Variants in RNF216 observed in about 807,000 individuals in gnomAD.
RNF216 encodes ring finger protein 216, also known as E3 ubiquitin-protein ligase RNF216.
Under a neutral mutation model 110.8 loss-of-function variants are expected in RNF216, and 72 were observed. The ratio of observed to expected loss-of-function variants is 0.65; its 90% CI spans 0.54 to 0.79. The LOEUF (loss-of-function observed/expected upper bound fraction) is 0.79, where lower values mean the gene tolerates loss of function less well. Among genes scored for constraint, RNF216 ranks in the 30% least tolerant of loss-of-function variants. The pLI is 0.00. For missense variants in RNF216, 1,342 were observed against 1,141.2 expected (o/e 1.18, Z -2.54); for synonymous variants, 495 against 407.5 (o/e 1.21, Z -2.59).
intron 1 of RNF216, among the ~76,000 whole-genome samples, chr7:5,777,010 C>G (rs1003436855): frequency 1.3e-5 from 2 of 151,674 alleles, no homozygotes; most frequent in Admixed American, 1.3e-4. Context: ...GTGAGCACAA[C>G]AGCTTTCACT....
At chr7:5,752,810 C>A in intron 3 of RNF216, 36 bp downstream of exon 3, 1 of 1,601,770 alleles carries the variant, frequency 6.2e-7, no homozygotes, top group South Asian at 1.1e-5. Flanking sequence ...CACCAACTTG[C>A]AATAATGTCT....
intron 13 of RNF216, among the ~76,000 whole-genome samples, chr7:5,679,435 C>G (rs761653831): frequency 6.6e-6 from 1 of 152,244 alleles, no homozygotes; most frequent in African/African-American, 2.4e-5. Flanking sequence ...AGGCGCTGAG[C>G]GCACTGGTGC....
At chr7:5,756,944 T>C (rs1795675447) in intron 2 of RNF216, among the ~76,000 whole-genome samples, 1 of 152,236 alleles carries the variant, frequency 6.6e-6, no homozygotes, top group South Asian at 2.1e-4. Context: ...CTGAGCTTTT[T>C]ACTTCTTGTC....
At chr7:5,734,333 AAGAAATC>A (rs1451294270) in intron 5 of RNF216, among the ~76,000 whole-genome samples, 1 of 152,194 alleles carries the variant, frequency 6.6e-6, no homozygotes, top group African/African-American at 2.4e-5. Flanking sequence ...GCTGAGTGAA[AAGAAATC>A]AGACTCAAAA....
chr7:5,766,799 T>A (rs1796231771), intron 1 of RNF216: 2 of 152,236 alleles, frequency 1.3e-5, no homozygotes, highest in African/African-American at 4.8e-5. Context: ...GTAACAAATG[T>A]CTGTGGCACA....
At position 5,632,561 on chromosome 7, in the gene RNF216, G is replaced by C. The variant is rs112724699; in HGVS notation, c.2383-8436C>G. Reference sequence around the variant, plus strand: ...GTAGAAGTTAGCCCTCCAATCACCTGATGTCAGGGGTTCGAGACCAGCCTG... The same window carrying C: ...GTAGAAGTTAGCCCTCCAATCACCTCATGTCAGGGGTTCGAGACCAGCCTG... On this transcript the variant is annotated intron_variant, in intron 15 of 16. Transcript: ENST00000389902. Among the ~76,000 whole-genome samples, 301 of 152,304 alleles carry C rather than the reference G, an allele frequency of 2.0e-3. 6 individuals are homozygous for C. The highest frequency in any genetic ancestry group is 0.01 in the Middle Eastern group (3 of 294).
intron 10 of RNF216, 62 bp downstream of exon 10, chr7:5,716,654 C>G (rs1584502664): frequency 7.4e-7 from 1 of 1,357,692 alleles, no homozygotes; most frequent in East Asian, 2.4e-5. Flanking sequence ...GCTGACAAAA[C>G]ATGGTAAGAG....
intron 1 of RNF216, among the ~76,000 whole-genome samples, chr7:5,774,251 T>C (rs1055476688): frequency 6.6e-6 from 1 of 152,210 alleles, no homozygotes; most frequent in Non-Finnish European, 1.5e-5. Flanking sequence ...AATTTCCTCA[T>C]TTGTAAAATG....
intron 2 of RNF216, chr7:5,760,422 C>T (rs1224657539): frequency 1.9e-5 from 7 of 364,990 alleles, no homozygotes; most frequent in Non-Finnish European, 2.8e-5. Context: ...AGGCTCAGAC[C>T]GGAGAATCAT....
intron 13 of RNF216, among the ~76,000 whole-genome samples, chr7:5,709,214 G>C (rs1409206134): frequency 4.6e-5 from 7 of 152,158 alleles, no homozygotes; most frequent in Admixed American, 2.6e-4. Flanking sequence ...AGACAAGACA[G>C]AAACCAGTCC....
At chr7:5,629,109 T>C (rs1334718916) in intron 15 of RNF216, among the ~76,000 whole-genome samples, 1 of 151,512 alleles carries the variant, frequency 6.6e-6, no homozygotes, top group Non-Finnish European at 1.5e-5. Context: ...TGAGGCAGAA[T>C]TGCTTGAAGC....
chr7:5,681,126 C>A (rs1281524479), intron 13 of RNF216, among the ~76,000 whole-genome samples: 3 of 152,162 alleles, frequency 2.0e-5, no homozygotes, highest in Admixed American at 2.0e-4. Context: ...CGCCTAGCCT[C>A]TTGCTTATAA....
intron 1 of RNF216, among the ~76,000 whole-genome samples, chr7:5,762,709 C>CA (rs923010376): frequency 8.6e-4 from 127 of 147,116 alleles, no homozygotes; most frequent in African/African-American, 2.4e-3. Flanking sequence ...AACAAACAAA[C>CA]AAAAAAAAAA....
chr7:5,666,841 G>C (rs1401697387), intron 13 of RNF216: 1 of 149,066 alleles, frequency 6.7e-6, no homozygotes, highest in Non-Finnish European at 1.5e-5. Flanking sequence ...TTGAGACAGG[G>C]TCTCATTCTG....
intron 13 of RNF216, among the ~76,000 whole-genome samples, chr7:5,675,283 C>G (rs116976868): frequency 1.8e-3 from 276 of 152,274 alleles, no homozygotes; most frequent in Non-Finnish European, 3.1e-3. Context: ...TCTGCACAGA[C>G]AAGAATTAGA....
chr7:5,658,789 G>A (rs1788911963), intron 13 of RNF216, among the ~76,000 whole-genome samples: 1 of 151,778 alleles, frequency 6.6e-6, no homozygotes, highest in Non-Finnish European at 1.5e-5. Flanking sequence ...TACAACAGTA[G>A]CACACATGTA....
At chr7:5,689,571 CA>C (rs563527087) in intron 13 of RNF216, among the ~76,000 whole-genome samples, 102 of 152,028 alleles carry the variant, frequency 6.7e-4, no homozygotes, top group African/African-American at 2.4e-3. Flanking sequence ...GGACTTCCTA[CA>C]AGTTTTTAAA....
chr7:5,713,058 A>G (rs1055912967), intron 11 of RNF216, among the ~76,000 whole-genome samples, 195 bp from the exon 12 acceptor site: 1 of 152,164 alleles, frequency 6.6e-6, no homozygotes, highest in Non-Finnish European at 1.5e-5. Context: ...TCACTAAAGG[A>G]CCTCTATTAG....
intron 14 of RNF216, among the ~76,000 whole-genome samples, chr7:5,641,679 C>T (rs1410987268): frequency 6.6e-6 from 1 of 152,024 alleles, no homozygotes; most frequent in African/African-American, 2.4e-5. Flanking sequence ...GGCATAGTGC[C>T]CAGTACTCAG....
Sources: allele counts gnomAD v4.1 joint callset (sites outside exome capture counted in the v4.1 genomes callset), GRCh38; gene constraint gnomAD v4.1.1; transcripts MANE v1.5; gene names NCBI Gene and HGNC (gene_info 2026-07-23, HGNC 2026-07-21).